Variants in TMEM163 observed in about 807,000 individuals in gnomAD.
TMEM163 encodes the protein transmembrane protein 163.
In TMEM163, 17 loss-of-function variants were observed where a neutral mutation model predicts 29.3. The ratio of observed to expected loss-of-function variants is 0.58; its 90% CI spans 0.40 to 0.87. The LOEUF (loss-of-function observed/expected upper bound fraction) is 0.87, where lower values mean the gene tolerates loss of function less well. Ranked by LOEUF, TMEM163 falls within the 40% of genes least tolerant of loss-of-function variation. The pLI is 0.00. For missense variants in TMEM163, 303 were observed against 381.5 expected (o/e 0.79, Z 1.71); for synonymous variants, 157 against 160.6 (o/e 0.98, Z 0.17).
At chr2:134,581,078 C>T (rs1681680163) in intron 2 of TMEM163, among the ~76,000 whole-genome samples, 1 of 152,144 alleles carries the variant, frequency 6.6e-6, no homozygotes, top group Admixed American at 6.5e-5. Flanking sequence ...ACGCAGGTGC[C>T]AAGAACAACA....
Position 134,535,398 on chromosome 2 carries a change from C to T in TMEM163, c.458+15172G>A, listed in dbSNP as rs369459127. 1.4e-4 allele frequency among the ~76,000 whole-genome samples: 21 copies of T among 152,298 alleles called. No homozygotes were observed. In the East Asian group the frequency reaches 3.3e-3, roughly 24 times the overall value. On this transcript the variant is annotated intron_variant, in intron 4 of 7. Coordinates refer to ENST00000281924, the MANE Select transcript of TMEM163 (RefSeq NM_030923.5). ...AGACACAGCAATTTGCTTGTTCTGT[C>T]GCCCTAAGAAAGCTATGGAAAGAGG...
chr2:134,585,758 C>T (rs1461393517), intron 2 of TMEM163, among the ~76,000 whole-genome samples: 1 of 146,910 alleles, frequency 6.8e-6, no homozygotes, highest in Non-Finnish European at 1.5e-5. Flanking sequence ...AAAAAAAATA[C>T]CTGGAAGAGT....
chr2:134,532,038 G>A (rs890300629), intron 4 of TMEM163, among the ~76,000 whole-genome samples: 2 of 152,158 alleles, frequency 1.3e-5, no homozygotes, highest in Admixed American at 1.3e-4. Flanking sequence ...CAGGAAACCG[G>A]GAAGATGACC....
intron 2 of TMEM163, among the ~76,000 whole-genome samples, chr2:134,603,070 T>C (rs954470472): frequency 6.6e-6 from 1 of 152,080 alleles, no homozygotes; most frequent in African/African-American, 2.4e-5. Context: ...GGATCAGAAA[T>C]AACATCATCC....
chr2:134,619,959 T>G (rs1682693543), intron 2 of TMEM163, among the ~76,000 whole-genome samples: 1 of 152,142 alleles, frequency 6.6e-6, no homozygotes, highest in South Asian at 2.1e-4. Context: ...ATAAAACACT[T>G]AGAAGCAAAA....
intron 4 of TMEM163, among the ~76,000 whole-genome samples, chr2:134,517,601 T>C (rs1015945869): frequency 2.6e-5 from 4 of 152,158 alleles, no homozygotes; most frequent in Non-Finnish European, 5.9e-5. Context: ...TTCACTAAAC[T>C]GGAAGCAGAG....
intron 2 of TMEM163, among the ~76,000 whole-genome samples, chr2:134,614,987 A>G (rs1193755338): frequency 2.0e-5 from 3 of 152,222 alleles, no homozygotes; most frequent in Non-Finnish European, 4.4e-5. Context: ...AGAAATGATC[A>G]AAACTCAACA....
chr2:134,708,092 G>C (rs1361934447), intron 2 of TMEM163, among the ~76,000 whole-genome samples: 6 of 152,064 alleles, frequency 3.9e-5, no homozygotes, highest in Non-Finnish European at 8.8e-5. Context: ...TCACCACGTT[G>C]GCCAGGCTGG....
chr2:134,462,629 G>A (rs1371331965), intron 6 of TMEM163, among the ~76,000 whole-genome samples: 8 of 152,228 alleles, frequency 5.3e-5, no homozygotes, highest in Non-Finnish European at 7.3e-5. Context: ...TACTGCTTAC[G>A]TGTGTGATGG....
intron 5 of TMEM163, among the ~76,000 whole-genome samples, chr2:134,489,552 G>A (rs957272572): frequency 6.7e-6 from 1 of 150,318 alleles, no homozygotes; most frequent in Non-Finnish European, 1.5e-5. Flanking sequence ...ACTCCAGCCT[G>A]GCAACAGAGC....
intron 5 of TMEM163, among the ~76,000 whole-genome samples, chr2:134,479,503 G>GT (rs1686995540): frequency 6.6e-6 from 1 of 152,144 alleles, no homozygotes; most frequent in East Asian, 1.9e-4. Flanking sequence ...ATGTTTTGGT[G>GT]TATACCAATA....
At chr2:134,620,765 C>A (rs1488175170) in intron 2 of TMEM163, among the ~76,000 whole-genome samples, 2 of 152,006 alleles carry the variant, frequency 1.3e-5, no homozygotes. Context: ...CAACTGAATA[C>A]CCATATACAA....
chr2:134,703,644 A>C (rs889352044), intron 2 of TMEM163, among the ~76,000 whole-genome samples: 2 of 152,094 alleles, frequency 1.3e-5, no homozygotes, highest in African/African-American at 4.8e-5. Context: ...CATTTGGGGA[A>C]GTTAACAAAT....
intron 2 of TMEM163, among the ~76,000 whole-genome samples, chr2:134,598,339 A>G (rs918744781): frequency 1.7e-4 from 26 of 152,222 alleles, no homozygotes; most frequent in Non-Finnish European, 3.1e-4. Flanking sequence ...TACAAACACT[A>G]AATATTTATG....
intron 2 of TMEM163, among the ~76,000 whole-genome samples, chr2:134,579,661 C>T (rs1380848306): frequency 1.3e-5 from 2 of 152,054 alleles, no homozygotes; most frequent in African/African-American, 2.4e-5. Context: ...ATTGGTTCCA[C>T]AGGGCTTCGG....
intron 2 of TMEM163, among the ~76,000 whole-genome samples, chr2:134,659,432 A>G (rs1683698470): frequency 6.6e-6 from 1 of 152,182 alleles, no homozygotes; most frequent in African/African-American, 2.4e-5. Flanking sequence ...CCTCAGGCTA[A>G]GGCACAGAAT....
intron 2 of TMEM163, among the ~76,000 whole-genome samples, chr2:134,569,733 C>A (rs1681379183): frequency 6.6e-6 from 1 of 152,178 alleles, no homozygotes; most frequent in Admixed American, 6.5e-5. Flanking sequence ...TTCCTGGGAT[C>A]CATATACAGT....
chr2:134,682,608 T>C (rs1362655187), intron 2 of TMEM163, among the ~76,000 whole-genome samples: 10 of 152,160 alleles, frequency 6.6e-5, no homozygotes, highest in Admixed American at 6.5e-4. Flanking sequence ...AACACACCTA[T>C]TAGAATGACC....
At chr2:134,631,780 A>G (rs536973763) in intron 2 of TMEM163, among the ~76,000 whole-genome samples, 1 of 152,378 alleles carries the variant, frequency 6.6e-6, no homozygotes, top group East Asian at 1.9e-4. Flanking sequence ...TCAACAGTAT[A>G]TTAGGAATAC....
Sources: gnomAD v4.1 joint callset for allele counts (sites outside exome capture counted in the v4.1 genomes callset) on GRCh38, gnomAD v4.1.1 for gene constraint, MANE v1.5 for transcripts, NCBI Gene and HGNC (gene_info 2026-07-23, HGNC 2026-07-21) for gene names.